The following MED12L variants were observed in gnomAD, a reference collection of about 807,000 sequenced individuals.
The protein encoded by MED12L is mediator of RNA polymerase II transcription subunit 12-like protein.
Under a neutral mutation model 281.3 loss-of-function variants are expected in MED12L, and 60 were observed. The ratio of observed to expected loss-of-function variants is 0.21; its 90% CI spans 0.17 to 0.26. The LOEUF (loss-of-function observed/expected upper bound fraction) is 0.26. Among genes scored for constraint, MED12L ranks in the 10% least tolerant of loss-of-function variants. The pLI is 1.00. For synonymous variants in MED12L, 974 were observed against 987.2 expected (o/e 0.99, Z 0.25); for missense variants, 2,146 against 2,680.9 (o/e 0.80, Z 4.41).
intron 16 of MED12L, chr3:151,278,330 T>A (rs1036028152): frequency 2.0e-5 from 3 of 152,128 alleles, no homozygotes; most frequent in Non-Finnish European, 2.9e-5. Flanking sequence ...TTCACTCATT[T>A]TGAAATACCT....
At chr3:151,355,569 T>C (rs1203382992) in intron 18 of MED12L, among the ~76,000 whole-genome samples, 1 of 152,180 alleles carries the variant, frequency 6.6e-6, no homozygotes. Flanking sequence ...TACTACGACA[T>C]TGAGAAGAAA....
At chr3:151,208,192 T>A (rs1013577490) in intron 16 of MED12L, among the ~76,000 whole-genome samples, 1 of 152,244 alleles carries the variant, frequency 6.6e-6, no homozygotes, top group African/African-American at 2.4e-5. Context: ...CCAATTTTTT[T>A]ATAGTTGCTT....
chr3:151,129,261 A>G (rs1013837315), intron 5 of MED12L, among the ~76,000 whole-genome samples: 4 of 152,190 alleles, frequency 2.6e-5, no homozygotes, highest in African/African-American at 9.7e-5. Context: ...AAAAGCATGA[A>G]CACTTAAAAT....
intron 16 of MED12L, among the ~76,000 whole-genome samples, chr3:151,333,685 A>G (rs1750610515): frequency 6.6e-6 from 1 of 152,224 alleles, no homozygotes; most frequent in African/African-American, 2.4e-5. Context: ...AAGAAGGATT[A>G]TTGGTTCAGT....
intron 16 of MED12L, among the ~76,000 whole-genome samples, chr3:151,204,317 A>C (rs1270490099): frequency 1.3e-5 from 2 of 152,350 alleles, no homozygotes; most frequent in East Asian, 3.9e-4. Flanking sequence ...TCAAAAGATG[A>C]AATGAGAAGT....
At chr3:151,290,926 C>T (rs1159868660) in intron 16 of MED12L, among the ~76,000 whole-genome samples, 1 of 152,062 alleles carries the variant, frequency 6.6e-6, no homozygotes, top group East Asian at 1.9e-4. Context: ...TACTATGATA[C>T]TTGTATTATG....
At chr3:151,407,834 G>T (rs1716505679) in intron 39 of MED12L, among the ~76,000 whole-genome samples, 1 of 151,914 alleles carries the variant, frequency 6.6e-6, no homozygotes, top group African/African-American at 2.4e-5. Context: ...GTCACCTAGA[G>T]AGATGCTGAA....
chr3:151,147,293 C>A (rs1717873593), intron 5 of MED12L, among the ~76,000 whole-genome samples: 1 of 152,100 alleles, frequency 6.6e-6, no homozygotes, highest in African/African-American at 2.4e-5. Flanking sequence ...AAGAAATAAT[C>A]TTTTACTTCA....
At chr3:151,412,488 A>G (rs1395916072) in intron 41 of MED12L, among the ~76,000 whole-genome samples, 1 of 152,244 alleles carries the variant, frequency 6.6e-6, no homozygotes, top group Non-Finnish European at 1.5e-5. Flanking sequence ...GGATAGCAGC[A>G]CAGCTCCCAT....
intron 16 of MED12L, among the ~76,000 whole-genome samples, chr3:151,252,054 T>C (rs1033461581): frequency 2.0e-5 from 3 of 152,222 alleles, no homozygotes; most frequent in Non-Finnish European, 2.9e-5. Context: ...GGAAACATAC[T>C]ACTTTCAGAT....
chr3:151,317,760 A>G (rs1452537345), intron 16 of MED12L, among the ~76,000 whole-genome samples: 1 of 151,768 alleles, frequency 6.6e-6, no homozygotes, highest in Non-Finnish European at 1.5e-5. Flanking sequence ...ACTTTTTCTG[A>G]TTTGTAAATA....
chr3:151,140,969 G>A (rs565683546), intron 5 of MED12L, among the ~76,000 whole-genome samples: 4 of 152,130 alleles, frequency 2.6e-5, no homozygotes, highest in Admixed American at 1.3e-4. Flanking sequence ...CCAGGTTCAC[G>A]CCATTCTCCT....
intron 43 of MED12L, among the ~76,000 whole-genome samples, chr3:151,424,615 T>C (rs57309907): frequency 0.16 from 19,921 of 120,976 alleles, 1,697 homozygotes; most frequent in East Asian, 0.49. Context: ...AGCAAAACTC[T>C]GTCTCAAAAA....
chr3:151,287,172 A>G (rs1489095715), intron 16 of MED12L, among the ~76,000 whole-genome samples: 1 of 152,222 alleles, frequency 6.6e-6, no homozygotes, highest in Non-Finnish European at 1.5e-5. Flanking sequence ...GAGTATGCAA[A>G]AGACTGGCAA....
At position 151,380,154 on chromosome 3, in the gene MED12L, T is replaced by G. The variant is rs762233196; in HGVS notation, c.4520T>G (p.Leu1507Arg). ...CAACAACCCTTCCTCTCACTGGTAC[T>G]TACCTGCCTTAAGGGACAAGATGAA... Reference protein sequence around the residue: ...LSQQPFLSLVLTCLKGQDEQR... With the variant: ...LSQQPFLSLVRTCLKGQDEQR... The change falls in exon 32 of 45, where the codon CTT becomes CGT. Residue 1507 changes from leucine (L) to arginine (R), a missense_variant. By Grantham distance (102) the Leu-to-Arg change is moderately radical. Around this residue, in one of 9 missense-constraint regions of MED12L, gnomAD observed 212 missense variants for 340.8 expected, o/e 0.62. Coordinates refer to ENST00000687756, the MANE Select transcript of MED12L (RefSeq NM_001393769.1). 6.2e-7 allele frequency: 1 copy of G among 1,608,410 alleles called. No homozygotes were observed. The highest frequency in any genetic ancestry group is 8.5e-7 in the Non-Finnish European group (1 of 1,178,330).
At chr3:151,421,176 G>C (rs977717299) in intron 43 of MED12L, among the ~76,000 whole-genome samples, 7 of 152,232 alleles carry the variant, frequency 4.6e-5, no homozygotes, top group Non-Finnish European at 7.4e-5. Context: ...GAATGACAGT[G>C]GTGGCTGGGG....
Position 151,127,916 on chromosome 3 carries a change from C to T in MED12L, c.488C>T (p.Thr163Ile), listed in dbSNP as rs1043392317. The T allele has an allele frequency of 3.1e-6, 5 of 1,614,028 alleles. No individual in the cohort carries two copies. Among genetic ancestry groups the T allele is most frequent in the Non-Finnish European group, 3.4e-6 (4 of 1,179,920 alleles). Reference sequence around the variant, plus strand: ...CGAGCAACGTGGCTGATCAAGATGACTTGTGCCTATTATTCTGCTATATCT... The same window carrying T: ...CGAGCAACGTGGCTGATCAAGATGATTTGTGCCTATTATTCTGCTATATCT... ...MVRATWLIKM[T>I]CAYYSAISEA... Residue 163 changes from threonine to isoleucine, a missense_variant, in exon 5 of 45, where the codon ACT (threonine) becomes ATT (isoleucine). By Grantham distance (89) the Thr-to-Ile change is moderately conservative. Transcript: ENST00000687756.
chr3:151,230,118 C>T (rs747567970), intron 16 of MED12L, among the ~76,000 whole-genome samples: 10 of 152,024 alleles, frequency 6.6e-5, no homozygotes, highest in Non-Finnish European at 4.4e-5. Flanking sequence ...TACAGGTGCC[C>T]GCCACCACGC....
At position 151,367,638 on chromosome 3, in the gene MED12L, T is replaced by C. The variant is rs574386305; in HGVS notation, c.3328-8T>C. The C allele has an allele frequency of 1.9e-6, 3 of 1,599,546 alleles. No homozygotes were observed. Among genetic ancestry groups the C allele is most frequent in the Non-Finnish European group, 2.6e-6 (3 of 1,170,770 alleles). On this transcript the variant is annotated splice_polypyrimidine_tract_variant and splice_region_variant and intron_variant, in intron 23 of 44. Transcript: ENST00000687756. ...AGGTATTAAAACCTGTCAATGTTTT[T>C]CTTGAAGGTGAGTGACCTTTCATTC...
Sources: allele counts gnomAD v4.1 joint callset (sites outside exome capture counted in the v4.1 genomes callset), GRCh38; gene constraint gnomAD v4.1.1; regional missense constraint gnomAD v4.1.1; transcripts MANE v1.5; gene names NCBI Gene and HGNC (gene_info 2026-07-23, HGNC 2026-07-21).